The following DEUP1 variants were observed in gnomAD, a reference collection of about 807,000 sequenced individuals.
DEUP1 encodes the protein coiled-coil domain containing 67.
A neutral mutation model predicts 87.4 loss-of-function variants in DEUP1; 82 were observed. That is an observed-to-expected ratio of 0.94 (90% CI 0.78 to 1.13). The LOEUF (loss-of-function observed/expected upper bound fraction) is 1.13, where lower values mean the gene tolerates loss of function less well. Among genes scored for constraint, DEUP1 ranks in the 50% most tolerant of loss-of-function variants. DEUP1 has a pLI of 0.00. For missense variants in DEUP1, 663 were observed against 681.5 expected (o/e 0.97, Z 0.30); for synonymous variants, 214 against 222.7 (o/e 0.96, Z 0.35).
chr11:93,365,402 C>G (rs1313256455), intron 5 of DEUP1, among the ~76,000 whole-genome samples: 2 of 152,142 alleles, frequency 1.3e-5, no homozygotes, highest in Non-Finnish European at 2.9e-5. Flanking sequence ...CTCCCAGGCT[C>G]TTGCAGTGGT....
intron 13 of DEUP1, among the ~76,000 whole-genome samples, chr11:93,436,377 C>T (rs1421573951): frequency 6.6e-6 from 1 of 152,172 alleles, no homozygotes; most frequent in Non-Finnish European, 1.5e-5. Context: ...TGGGGCAAAA[C>T]CATGGATATA....
chr11:93,386,057 A>T (rs1348663641), intron 8 of DEUP1, among the ~76,000 whole-genome samples: 1 of 152,128 alleles, frequency 6.6e-6, no homozygotes, highest in Non-Finnish European at 1.5e-5. Flanking sequence ...TCAAAAAAAA[A>T]AAAGATATTA....
chr11:93,372,609 A>G (rs1777894043), intron 7 of DEUP1, among the ~76,000 whole-genome samples: 1 of 152,112 alleles, frequency 6.6e-6, no homozygotes, highest in African/African-American at 2.4e-5. Context: ...CTCTTTCCCC[A>G]TGCTTGGTAA....
At chr11:93,375,906 G>C (rs574166503) in intron 7 of DEUP1, among the ~76,000 whole-genome samples, 63 of 152,190 alleles carry the variant, frequency 4.1e-4, no homozygotes, top group African/African-American at 1.5e-3. Context: ...CTGTGAATCT[G>C]TCTGGTCCTG....
At chr11:93,364,527 TAA>T (rs371675444) in intron 5 of DEUP1, among the ~76,000 whole-genome samples, 1 of 147,138 alleles carries the variant, frequency 6.8e-6, no homozygotes, top group Admixed American at 6.8e-5. Flanking sequence ...TTTGGGAGAT[TAA>T]AAAAAAAAGA....
intron 13 of DEUP1, among the ~76,000 whole-genome samples, chr11:93,428,899 CT>C (rs1948020597): frequency 6.6e-6 from 1 of 151,988 alleles, no homozygotes; most frequent in South Asian, 2.1e-4. Context: ...TAATATAGGC[CT>C]TTTTAAATTT....
At position 93,370,089 on chromosome 11, in the gene DEUP1, C is replaced by T; in HGVS notation, c.449C>T (p.Ser150Leu). The stretch of plus-strand genomic sequence containing the variant: ...TTTTAAAAGGAATTTAGAGCAAAGT[C>T]AAGAGAATGGGACAAGCAAGAGATA... ...NQKLEEFRAK[S>L]REWDKQEILY... The change falls in exon 6 of 14, where the codon TCA (serine) becomes TTA (leucine). Residue 150 changes from serine (S) to leucine (L), a missense_variant. Coordinates refer to ENST00000298050, the MANE Select transcript of DEUP1 (RefSeq NM_181645.4). 1 of 1,598,258 alleles carries T rather than the reference C, an allele frequency of 6.3e-7. No individual in the cohort carries two copies. Among genetic ancestry groups the T allele is most frequent in the South Asian group, 1.1e-5 (1 of 88,190 alleles).
intron 1 of DEUP1, 47 bp downstream of exon 1, chr11:93,330,819 C>G (rs1175682560): frequency 5.2e-5 from 8 of 152,760 alleles, no homozygotes; most frequent in Non-Finnish European, 5.8e-5. Context: ...CTGACCCTCA[C>G]CCAAAGGCCA....
chr11:93,437,848 G>A lies in DEUP1; in HGVS notation c.*129G>A, dbSNP rs530458318. Reference sequence around the variant, plus strand: ...CTGTTTCCTTGAGTAAATAATTTCCGTAAGGCAGCTAGAAAATAGTAAGTA... The same window carrying A: ...CTGTTTCCTTGAGTAAATAATTTCCATAAGGCAGCTAGAAAATAGTAAGTA... On this transcript the variant is annotated 3_prime_UTR_variant, in exon 14 of 14. Coordinates refer to ENST00000298050, the MANE Select transcript of DEUP1 (RefSeq NM_181645.4). 2,090 of 623,986 alleles carry A rather than the reference G, an allele frequency of 3.3e-3. 53 individuals are homozygous for A. In the South Asian group the frequency reaches 0.034, roughly 10 times the overall value. 38.7% of individuals were successfully genotyped at this position (623,986 alleles called of 1,614,324 possible). A position where few individuals can be genotyped will look rare whatever the true frequency, so the allele number is the denominator to read the frequency against.
intron 13 of DEUP1, among the ~76,000 whole-genome samples, chr11:93,420,049 C>T (rs546390238): frequency 6.6e-6 from 1 of 152,190 alleles, no homozygotes; most frequent in South Asian, 2.1e-4. Context: ...AGGGAATCCT[C>T]CCTAACTCAT....
chr11:93,404,622 A>G (rs1011157442), intron 11 of DEUP1, among the ~76,000 whole-genome samples: 9 of 152,082 alleles, frequency 5.9e-5, no homozygotes, highest in African/African-American at 9.7e-5. Flanking sequence ...GAAAAACCAT[A>G]CATGCAAAAT....
intron 2 of DEUP1, among the ~76,000 whole-genome samples, chr11:93,353,040 AT>A (rs1164971918): frequency 6.6e-6 from 1 of 152,148 alleles, no homozygotes; most frequent in Non-Finnish European, 1.5e-5. Flanking sequence ...TAACCCAAAA[AT>A]CCACAGTCCC....
Position 93,394,561 on chromosome 11 carries a change from A to G in DEUP1, c.1144A>G (p.Ile382Val). ...AACAGAAGAGCTTCATCAGAAGGAG[A>G]TCACTATAGCAACTGTCACAAAGAA... The part of the protein sequence containing the change: ...DLTEELHQKE[I>V]TIATVTKKAA... The change falls in exon 10 of 14, where the codon ATC becomes GTC. Residue 382 changes from isoleucine (I) to valine (V), a missense_variant. Ile to Val is a conservative substitution (Grantham distance 29, BLOSUM62 3). Transcript: ENST00000298050. 1 of 1,613,268 alleles carries G rather than the reference A, an allele frequency of 6.2e-7. No homozygotes were observed. Among genetic ancestry groups the G allele is most frequent in the Non-Finnish European group, 8.5e-7 (1 of 1,179,566 alleles).
At chr11:93,345,934 C>T (rs1376949225) in intron 2 of DEUP1, among the ~76,000 whole-genome samples, 1 of 152,072 alleles carries the variant, frequency 6.6e-6, no homozygotes, top group African/African-American at 2.4e-5. Flanking sequence ...TTGGCCTATT[C>T]CTATGTCTAG....
intron 2 of DEUP1, among the ~76,000 whole-genome samples, chr11:93,346,973 T>C (rs1004577760): frequency 2.6e-5 from 4 of 152,276 alleles, no homozygotes; most frequent in Middle Eastern, 3.4e-3. Flanking sequence ...AGATATAGGA[T>C]CATGTCATCT....
At chr11:93,415,515 G>A (rs558994727) in intron 13 of DEUP1, among the ~76,000 whole-genome samples, 2 of 151,838 alleles carry the variant, frequency 1.3e-5, no homozygotes, top group Non-Finnish European at 1.5e-5. Context: ...GTAGACACAG[G>A]TACAAATCAT....
intron 7 of DEUP1, among the ~76,000 whole-genome samples, chr11:93,378,620 G>C (rs1022623812): frequency 1.3e-5 from 2 of 152,100 alleles, no homozygotes; most frequent in Non-Finnish European, 2.9e-5. Flanking sequence ...TGGCGAGCTA[G>C]TGTGATCTTT....
intron 9 of DEUP1, among the ~76,000 whole-genome samples, chr11:93,392,851 ACTC>A (rs1946805802): frequency 6.6e-6 from 1 of 151,700 alleles, no homozygotes; most frequent in African/African-American, 2.4e-5. Context: ...GCTACCCTAA[ACTC>A]CTTTTAGTTC....
chr11:93,333,849 T>A (rs1320218936), intron 2 of DEUP1, among the ~76,000 whole-genome samples: 1 of 152,062 alleles, frequency 6.6e-6, no homozygotes, highest in East Asian at 1.9e-4. Flanking sequence ...CAGAGCCAGG[T>A]TAGGATTCTG....
Sources: gnomAD v4.1 joint callset for allele counts (sites outside exome capture counted in the v4.1 genomes callset) on GRCh38, gnomAD v4.1.1 for gene constraint, MANE v1.5 for transcripts, NCBI Gene and HGNC (gene_info 2026-07-23, HGNC 2026-07-21) for gene names.